Variants in VWA2 observed in about 807,000 individuals in gnomAD.
VWA2 encodes the protein von Willebrand factor A domain-containing protein 2.
VWA2 carries 73 observed loss-of-function variants against 70.4 expected under a neutral mutation model. That is an observed-to-expected ratio of 1.04 (90% CI 0.86 to 1.26). VWA2 has a LOEUF of 1.26. Ranked by LOEUF, VWA2 falls within the 50% of genes most tolerant of loss-of-function variation. VWA2 has a pLI of 0.00. For synonymous variants in VWA2, 407 were observed against 423.3 expected (o/e 0.96, Z 0.47); for missense variants, 1,011 against 998.5 (o/e 1.01, Z -0.17).
intron 12 of VWA2, 21 bp downstream of exon 12, chr10:114,289,510 C>T: frequency 6.2e-7 from 1 of 1,612,560 alleles, no homozygotes; most frequent in South Asian, 1.1e-5. Context: ...GAATCCACAC[C>T]CTCAGGGCTG....
At chr10:114,244,734 G>A (rs769707135) in intron 1 of VWA2, among the ~76,000 whole-genome samples, 3 of 152,238 alleles carry the variant, frequency 2.0e-5, no homozygotes, top group Non-Finnish European at 4.4e-5. Flanking sequence ...TATTCGAGAT[G>A]ACTGGATGGG....
intron 11 of VWA2, among the ~76,000 whole-genome samples, chr10:114,287,727 A>G (rs2039088724): frequency 6.6e-6 from 1 of 152,146 alleles, no homozygotes; most frequent in Admixed American, 6.5e-5. Flanking sequence ...TATAGGAAAA[A>G]ATAATTGACA....
intron 11 of VWA2, 145 bp from the exon 12 acceptor site, chr10:114,288,793 A>G (rs2039222552): frequency 1.3e-6 from 1 of 775,812 alleles, no homozygotes; most frequent in African/African-American, 1.7e-5. Flanking sequence ...TTCTGTGGCT[A>G]AAAGGAAGAC....
chr10:114,260,480 G>A (rs940349235), intron 4 of VWA2, among the ~76,000 whole-genome samples: 2 of 152,216 alleles, frequency 1.3e-5, no homozygotes, highest in African/African-American at 2.4e-5. Context: ...GGCAGGTCTG[G>A]CGGGGCTGAC....
chr10:114,281,367 T>C (rs1243693679), intron 8 of VWA2: 1 of 152,020 alleles, frequency 6.6e-6, no homozygotes, highest in African/African-American at 2.4e-5. Context: ...GCCCACAGGG[T>C]AGAGTGGGGG....
intron 4 of VWA2, among the ~76,000 whole-genome samples, chr10:114,258,902 A>T (rs1278705520): frequency 6.6e-6 from 1 of 152,150 alleles, no homozygotes; most frequent in Non-Finnish European, 1.5e-5. Context: ...GCGTATCTGT[A>T]TACAGGTATA....
At chr10:114,246,084 T>A in intron 1 of VWA2, 1 of 394,944 alleles carries the variant, frequency 2.5e-6, no homozygotes, top group Non-Finnish European at 5.1e-6. Flanking sequence ...CCGCCCAAGA[T>A]GATTGGAGGT....
chr10:114,255,898 C>G (rs1169549283), intron 4 of VWA2, among the ~76,000 whole-genome samples: 2 of 152,074 alleles, frequency 1.3e-5, no homozygotes, highest in Non-Finnish European at 2.9e-5. Flanking sequence ...GTCAGCAAAC[C>G]CTATGCCTAA....
chr10:114,289,626 A>G (rs1274891366), intron 12 of VWA2, 137 bp downstream of exon 12: 6 of 949,608 alleles, frequency 6.3e-6, no homozygotes, highest in Non-Finnish European at 9.7e-6. Flanking sequence ...GTTCTGTGCT[A>G]AACCCCATGC....
chr10:114,290,092 T>C (rs925637303), intron 12 of VWA2, 148 bp from the exon 13 acceptor site: 1 of 1,003,110 alleles, frequency 1.0e-6, no homozygotes, highest in South Asian at 1.7e-5. Flanking sequence ...CCTAGCCAAG[T>C]GGTATGCAGC....
intron 11 of VWA2, among the ~76,000 whole-genome samples, chr10:114,287,387 C>T (rs890211010): frequency 1.3e-5 from 2 of 152,178 alleles, no homozygotes; most frequent in Non-Finnish European, 2.9e-5. Flanking sequence ...TGCTATGTTG[C>T]CCAGGCTGGT....
At chr10:114,248,363 C>A (rs1387038613) in intron 1 of VWA2, among the ~76,000 whole-genome samples, 2 of 152,142 alleles carry the variant, frequency 1.3e-5, no homozygotes, top group Admixed American at 1.3e-4. Flanking sequence ...GGTCACGTGG[C>A]TAGTCAGGGC....
At chr10:114,288,269 T>G (rs1644374213) in intron 11 of VWA2, among the ~76,000 whole-genome samples, 1 of 152,220 alleles carries the variant, frequency 6.6e-6, no homozygotes, top group Non-Finnish European at 1.5e-5. Context: ...CCTACTGGTC[T>G]CTCTCGAAGT....
intron 4 of VWA2, among the ~76,000 whole-genome samples, chr10:114,259,196 A>G (rs933517240): frequency 6.6e-6 from 1 of 152,152 alleles, no homozygotes; most frequent in Non-Finnish European, 1.5e-5. Context: ...AAAACATTGT[A>G]TATGTTTTTT....
chr10:114,246,069 GC>G (rs2037061057), intron 1 of VWA2: 14 of 391,338 alleles, frequency 3.6e-5, no homozygotes, highest in Admixed American at 7.1e-5. Context: ...ACCTGCCCCC[GC>G]CCCCCGCCCA....
intron 4 of VWA2, among the ~76,000 whole-genome samples, chr10:114,257,781 C>T (rs1303021354): frequency 1.3e-5 from 2 of 152,214 alleles, no homozygotes; most frequent in African/African-American, 4.8e-5. Context: ...GGAATTTAAC[C>T]TGAGCATTGC....
Position 114,292,891 on chromosome 10 carries a change from G to C in VWA2, c.*1654G>C, listed in dbSNP as rs1406715404. Among the ~76,000 whole-genome samples the C allele has an allele frequency of 6.6e-6, 1 of 152,092 alleles. No individual in the cohort carries two copies. Among genetic ancestry groups the C allele is most frequent in the African/African-American group, 2.4e-5 (1 of 41,420 alleles). On this transcript the variant is annotated 3_prime_UTR_variant, in exon 14 of 14. Transcript: ENST00000392982. Reference sequence around the variant, plus strand: ...TAGCTAATTTTTGTATTTTTAGTTAGAGACAGGGTTTCACCATGTTGGCCA... The same window carrying C: ...TAGCTAATTTTTGTATTTTTAGTTACAGACAGGGTTTCACCATGTTGGCCA...
chr10:114,243,452 C>T (rs1198445794), intron 1 of VWA2, among the ~76,000 whole-genome samples: 1 of 152,182 alleles, frequency 6.6e-6, no homozygotes, highest in African/African-American at 2.4e-5. Flanking sequence ...CCAAAGGTTA[C>T]AAGGAAGATG....
chr10:114,261,176 C>T lies in VWA2; in HGVS notation c.262-10C>T, dbSNP rs961780168. ...TCTCGGGGCCCTGAGCCCCCTGTCT[C>T]CTACTGCAGGTCAGAGTGGGAGCAT... is the stretch of plus-strand genomic sequence containing the variant. On this transcript the variant is annotated splice_polypyrimidine_tract_variant and intron_variant, in intron 4 of 13. Transcript: ENST00000392982. 6.2e-7 allele frequency: 1 copy of T among 1,605,418 alleles called. No individual in the cohort carries two copies. Among genetic ancestry groups the T allele is most frequent in the African/African-American group, 1.3e-5 (1 of 74,754 alleles).
Sources: allele counts gnomAD v4.1 joint callset (sites outside exome capture counted in the v4.1 genomes callset), GRCh38; gene constraint gnomAD v4.1.1; transcripts MANE v1.5; gene names NCBI Gene and HGNC (gene_info 2026-07-23, HGNC 2026-07-21).